INSIG2: variants seen among roughly 807,000 people sequenced by gnomAD.
The protein encoded by INSIG2 is insulin induced gene 2, also known as insulin-induced gene 2 protein.
A neutral mutation model predicts 27.2 loss-of-function variants in INSIG2; 10 were observed. That is an observed-to-expected ratio of 0.37 (90% CI 0.23 to 0.62). INSIG2 has a LOEUF of 0.62. Ranked by LOEUF, INSIG2 falls within the 20% of genes least tolerant of loss-of-function variation. The probability of loss-of-function intolerance (pLI) is 0.65; values close to 1 mark genes in which losing one functional copy is unlikely to be tolerated. For missense variants in INSIG2, 178 were observed against 270.2 expected, an observed-to-expected ratio of 0.66 and a Z score of 2.39; for synonymous variants, 97 against 95.8, an observed-to-expected ratio of 1.01 and a Z score of -0.07.
chr2:118,089,444 C>T (rs1209939354), intron 1 of INSIG2, among the ~76,000 whole-genome samples: 1 of 152,034 alleles, frequency 6.6e-6, no homozygotes, highest in African/African-American at 2.4e-5. Context: ...ATGCGTGCTC[C>T]CGTCCTGGTG....
At chr2:118,099,999 A>G (rs766266988) in intron 2 of INSIG2, among the ~76,000 whole-genome samples, 6 of 152,154 alleles carry the variant, frequency 3.9e-5, no homozygotes, top group Non-Finnish European at 8.8e-5. Context: ...CATTGTCTGC[A>G]GGGTAAAGTC....
chr2:118,099,950 C>G (rs17047750), intron 2 of INSIG2, among the ~76,000 whole-genome samples: 1 of 152,128 alleles, frequency 6.6e-6, no homozygotes, highest in South Asian at 2.1e-4. Context: ...GATGGCCTCT[C>G]TCTGGTACAA....
At chr2:118,105,304 G>A (rs1678647505) in intron 3 of INSIG2, among the ~76,000 whole-genome samples, 1 of 152,164 alleles carries the variant, frequency 6.6e-6, no homozygotes, top group Admixed American at 6.5e-5. Flanking sequence ...GTCTCTCAAA[G>A]TGCTGGGATT....
chr2:118,106,911 T>C lies in INSIG2; in HGVS notation c.536+8T>C. 6.2e-7 allele frequency: 1 copy of C among 1,612,126 alleles called. No homozygotes were observed. ...ATATAATGGTGTTTACCAGTAAGTA[T>C]TAATCCTTCAATTTTTGGTGCTTGT... On this transcript the variant is annotated splice_region_variant and intron_variant, in intron 4 of 5. Transcript: ENST00000245787.
chr2:118,093,941 TGAGGAGGAGGAGGAGGAG>T (rs1331616893), intron 1 of INSIG2, among the ~76,000 whole-genome samples: 12 of 7,060 alleles, frequency 1.7e-3, no homozygotes, highest in Middle Eastern at 0.083. Context: ...ATGATGATGA[TGAGGAGGAGGAGGAGGAG>T]GAGGAGGAGG....
intron 1 of INSIG2, among the ~76,000 whole-genome samples, chr2:118,094,913 G>C (rs914289362): frequency 2.0e-5 from 3 of 152,182 alleles, no homozygotes; most frequent in Non-Finnish European, 4.4e-5. Context: ...TTAGGAGCTA[G>C]GTTTGCTCTC....
At chr2:118,089,775 G>A (rs1678182861) in intron 1 of INSIG2, among the ~76,000 whole-genome samples, 1 of 152,224 alleles carries the variant, frequency 6.6e-6, no homozygotes, top group Non-Finnish European at 1.5e-5. Context: ...TGCTTTTGCA[G>A]ATGGTCACAC....
chr2:118,104,654 C>T (rs1678629760), intron 3 of INSIG2, among the ~76,000 whole-genome samples: 1 of 152,118 alleles, frequency 6.6e-6, no homozygotes, highest in Non-Finnish European at 1.5e-5. Flanking sequence ...AGGTAATTTA[C>T]TAAGTCATTT....
At chr2:118,098,980 G>A (rs1678478567) in intron 2 of INSIG2, among the ~76,000 whole-genome samples, 2 of 152,200 alleles carry the variant, frequency 1.3e-5, no homozygotes, top group Admixed American at 1.3e-4. Flanking sequence ...TTAAGTCATG[G>A]TGTTTAGTAG....
At chr2:118,103,768 G>T (rs2104536498) in intron 3 of INSIG2, among the ~76,000 whole-genome samples, 1 of 151,422 alleles carries the variant, frequency 6.6e-6, no homozygotes, top group South Asian at 2.1e-4. Context: ...TAGATGCATT[G>T]GTTTTAATCA....
intron 3 of INSIG2, among the ~76,000 whole-genome samples, chr2:118,105,187 C>A (rs896207984): frequency 7.2e-5 from 11 of 152,014 alleles, no homozygotes; most frequent in African/African-American, 2.4e-4. Flanking sequence ...ACTACAGGCA[C>A]CTGCCACCAC....
chr2:118,096,217 A>AT (rs1678400264), intron 1 of INSIG2, among the ~76,000 whole-genome samples: 2 of 152,236 alleles, frequency 1.3e-5, no homozygotes, highest in Middle Eastern at 3.4e-3. Context: ...GTAGTACTTT[A>AT]TTTTTTATTA....
chr2:118,101,202 T>G (rs1221589499), intron 2 of INSIG2, among the ~76,000 whole-genome samples: 1 of 152,182 alleles, frequency 6.6e-6, no homozygotes, highest in Non-Finnish European at 1.5e-5. Flanking sequence ...ATGCCTTTAT[T>G]TAAAGGAAAG....
intron 2 of INSIG2, among the ~76,000 whole-genome samples, chr2:118,098,115 A>C (rs1018965449): frequency 6.6e-6 from 1 of 152,228 alleles, no homozygotes; most frequent in Non-Finnish European, 1.5e-5. Flanking sequence ...TGCTGTATGT[A>C]CTGGTCCTCA....
chr2:118,094,985 C>T (rs1047651033), intron 1 of INSIG2, among the ~76,000 whole-genome samples: 1 of 152,160 alleles, frequency 6.6e-6, no homozygotes, highest in Non-Finnish European at 1.5e-5. Context: ...TTTAATTAAG[C>T]AAATATGATT....
intron 2 of INSIG2, among the ~76,000 whole-genome samples, chr2:118,098,359 T>C (rs1042366625): frequency 5.3e-5 from 8 of 152,218 alleles, no homozygotes; most frequent in African/African-American, 1.9e-4. Flanking sequence ...TAGAGCAACT[T>C]TGGGAGAGAG....
chr2:118,095,335 A>G (rs1044501319), intron 1 of INSIG2, among the ~76,000 whole-genome samples: 1 of 152,210 alleles, frequency 6.6e-6, no homozygotes, highest in Non-Finnish European at 1.5e-5. Flanking sequence ...ACTGAACATC[A>G]TGGTAAGAAT....
chr2:118,105,619 T>A (rs1678654963), intron 3 of INSIG2, among the ~76,000 whole-genome samples: 1 of 152,214 alleles, frequency 6.6e-6, no homozygotes, highest in South Asian at 2.1e-4. Context: ...AGGAAGGACC[T>A]TGAGGGAGTT....
chr2:118,088,590 A>C (rs1338479001), intron 1 of INSIG2, 49 bp downstream of exon 1: 1 of 152,958 alleles, frequency 6.5e-6, no homozygotes, highest in Non-Finnish European at 1.5e-5. Flanking sequence ...GTGCTGAGGA[A>C]AGCGGCCTGA....
Sources: allele counts gnomAD v4.1 joint callset (sites outside exome capture counted in the v4.1 genomes callset), GRCh38; gene constraint gnomAD v4.1.1; transcripts MANE v1.5; gene names NCBI Gene and HGNC (gene_info 2026-07-23, HGNC 2026-07-21).